Variants in NRDC observed in about 807,000 individuals in gnomAD.
NRDC encodes the protein nardilysin convertase.
Under a neutral mutation model 147.1 loss-of-function variants are expected in NRDC, and 54 were observed. The ratio of observed to expected loss-of-function variants is 0.37; its 90% CI spans 0.29 to 0.46. The LOEUF is 0.46. Ranked by LOEUF, NRDC falls within the 20% of genes least tolerant of loss-of-function variation. The pLI is 1.00. For missense variants in NRDC, 1,082 were observed against 1,370.6 expected (o/e 0.79, Z 3.33); for synonymous variants, 440 against 482.1 (o/e 0.91, Z 1.14).
At chr1:51,795,190 G>C (rs901247959) in intron 22 of NRDC, 1 of 1,337,322 alleles carries the variant, frequency 7.5e-7, no homozygotes, top group Non-Finnish European at 9.8e-7. Flanking sequence ...TCAGAATCCT[G>C]GGCCCATTGA....
intron 23 of NRDC, 61 bp from the exon 24 acceptor site, chr1:51,794,671 T>C: frequency 6.2e-7 from 1 of 1,600,026 alleles, no homozygotes; most frequent in Non-Finnish European, 8.5e-7. Flanking sequence ...CTAGGCCTTC[T>C]AACTTTTCAA....
At chr1:51,877,843 C>T (rs899869565) in intron 1 of NRDC, 1 of 202,260 alleles carries the variant, frequency 4.9e-6, no homozygotes, top group African/African-American at 2.4e-5. Context: ...TAACTTTCGT[C>T]CACTAGTTTC....
Position 51,789,442 on chromosome 1 carries a change from G to A in NRDC, c.3259-9C>T, listed in dbSNP as rs1678457989. The A allele has an allele frequency of 6.2e-7, 1 of 1,613,584 alleles. No homozygotes were observed. The highest frequency in any genetic ancestry group is 2.2e-5 in the East Asian group (1 of 44,890). On this transcript the variant is annotated splice_polypyrimidine_tract_variant and intron_variant, in intron 30 of 30. Coordinates refer to ENST00000352171, the MANE Select transcript of NRDC (RefSeq NM_001101662.2). Reference sequence around the variant, plus strand: ...TTCCCATATCCAACAACCTGAAAGAGGACAAAGACAAAAGTGAAAAATATG... The same window carrying A: ...TTCCCATATCCAACAACCTGAAAGAAGACAAAGACAAAAGTGAAAAATATG...
chr1:51,812,420 T>TG (rs1679768317), intron 14 of NRDC, among the ~76,000 whole-genome samples: 1 of 151,816 alleles, frequency 6.6e-6, no homozygotes, highest in Non-Finnish European at 1.5e-5. Context: ...GTCAGCTCCT[T>TG]GGGGAGCTGA....
Position 51,837,478 on chromosome 1 carries a change from G to T in NRDC, c.631-1266C>A, listed in dbSNP as rs775510766. On this transcript the variant is annotated intron_variant, in intron 2 of 30. Coordinates refer to ENST00000352171, the MANE Select transcript of NRDC (RefSeq NM_001101662.2). ...AACCTGTTCTGTGATGTTTTAATAG[G>T]TGCCTAACCTGCTTTCAGCTCCAAC... 6 of 1,573,676 alleles carry T rather than the reference G, an allele frequency of 3.8e-6. No homozygotes were observed. In the South Asian group the frequency reaches 5.8e-5, roughly 15 times the overall value.
intron 2 of NRDC, among the ~76,000 whole-genome samples, chr1:51,839,701 T>G (rs1039566780): frequency 1.1e-4 from 16 of 152,290 alleles, no homozygotes; most frequent in African/African-American, 3.8e-4. Flanking sequence ...ACCTTTGCGT[T>G]CCCATATAAA....
intron 1 of NRDC, among the ~76,000 whole-genome samples, chr1:51,845,898 C>G (rs1311275542): frequency 6.6e-6 from 1 of 151,924 alleles, no homozygotes; most frequent in East Asian, 1.9e-4. Context: ...GGACCTGATA[C>G]ATAGTAGGTA....
intron 14 of NRDC, 141 bp downstream of exon 14, chr1:51,813,894 G>T: frequency 1.6e-6 from 1 of 622,994 alleles, no homozygotes; most frequent in Admixed American, 2.9e-5. Flanking sequence ...TTTTCAGATA[G>T]CTTCAAGGCC....
intron 2 of NRDC, among the ~76,000 whole-genome samples, chr1:51,838,735 T>G (rs1571887235): frequency 6.6e-6 from 1 of 152,184 alleles, no homozygotes; most frequent in East Asian, 1.9e-4. Flanking sequence ...GTTCTTTTTT[T>G]TTGTGACTTT....
chr1:51,821,595 T>G (rs1229482989), intron 7 of NRDC, 40 bp from the exon 8 acceptor site: 1 of 1,316,052 alleles, frequency 7.6e-7, no homozygotes, highest in Non-Finnish European at 1.1e-6. Flanking sequence ...GAAAATGCAA[T>G]GACATTATTC....
At chr1:51,790,228 A>G (rs1678538558) in intron 29 of NRDC, among the ~76,000 whole-genome samples, 1 of 152,184 alleles carries the variant, frequency 6.6e-6, no homozygotes, top group South Asian at 2.1e-4. Flanking sequence ...AGAGTCCTCA[A>G]TTTTCTTTAA....
chr1:51,813,481 C>T (rs570596264), intron 14 of NRDC, among the ~76,000 whole-genome samples: 99 of 152,212 alleles, frequency 6.5e-4, no homozygotes, highest in African/African-American at 2.3e-3. Context: ...ATATCCCATA[C>T]GCTTCCCAAA....
Position 51,834,385 on chromosome 1 carries a change from G to GCCTCCTGGGTTCAAGTGATTCTTGAA in NRDC, c.713-241_713-216dup, listed in dbSNP as rs553678198. 2.3e-3 allele frequency among the ~76,000 whole-genome samples: 353 copies of GCCTCCTGGGTTCAAGTGATTCTTGAA among 151,966 alleles called. 1 individual carries two copies. The highest frequency in any genetic ancestry group is 5.8e-3 in the African/African-American group (242 of 41,434). ...GCAATCTTGGCTCACTGCAAACTCT[G>GCCTCCTGGGTTCAAGTGATTCTTGAA]CCTCCTGGGTTCAAGTGATTCTTGA... On this transcript the variant is annotated intron_variant, in intron 3 of 30. Coordinates refer to ENST00000352171, the MANE Select transcript of NRDC (RefSeq NM_001101662.2).
intron 1 of NRDC, among the ~76,000 whole-genome samples, chr1:51,846,762 C>G (rs116024157): frequency 0.018 from 2,743 of 152,294 alleles, 81 homozygotes; most frequent in African/African-American, 0.063. Context: ...GAGCCTGCAG[C>G]CTGCTTTTAT....
At position 51,878,675 on chromosome 1, in the gene NRDC, T is replaced by C. The variant is rs1195377830; in HGVS notation, c.-60A>G. On this transcript the variant is annotated 5_prime_UTR_variant, in exon 1 of 31. Transcript: ENST00000352171. ...CCCAGGACCCACCTCCTCCGCGTTCTAGAGGCGGTGGCGGCCGGCCCTGGT... is the reference window on the plus strand; with the variant it reads ...CCCAGGACCCACCTCCTCCGCGTTCCAGAGGCGGTGGCGGCCGGCCCTGGT... The C allele has an allele frequency of 8.9e-6, 13 of 1,467,128 alleles. No individual in the cohort carries two copies. Among genetic ancestry groups the C allele is most frequent in the Admixed American group, 6.0e-5 (3 of 50,286 alleles). 90.9% of individuals were successfully genotyped at this position (1,467,128 alleles called of 1,614,324 possible).
intron 5 of NRDC, among the ~76,000 whole-genome samples, chr1:51,825,912 AG>A (rs758929263): frequency 9.9e-5 from 15 of 152,242 alleles, no homozygotes; most frequent in Non-Finnish European, 1.8e-4. Context: ...ATTTGGAGGT[AG>A]GGGCCAATGA....
In NRDC at chr1:51,878,439, G is replaced by A. The variant is rs78294602; in HGVS notation, c.177C>T (p.Thr59=). 1.6e-3 allele frequency: 2,540 copies of A among 1,614,092 alleles called. 31 individuals carry two copies. The African/African-American group carries it at 0.03, about 19-fold the overall frequency. The part of the protein sequence containing the change: ...AMPGRNKAKS[T]CSCPDLQPNG... ...TGGGCTGCAGGTCAGGGCAGCTGCAGGTAGACTTCGCCTTGTTCCTTCCAG... is the reference window on the plus strand; with the variant it reads ...TGGGCTGCAGGTCAGGGCAGCTGCAAGTAGACTTCGCCTTGTTCCTTCCAG... Residue 59 remains threonine, a synonymous_variant, in exon 1 of 31, where the codon ACC becomes ACT. Transcript: ENST00000352171.
intron 22 of NRDC, among the ~76,000 whole-genome samples, chr1:51,796,615 TCTCA>T (rs1678928841): frequency 6.7e-6 from 1 of 148,270 alleles, no homozygotes; most frequent in Admixed American, 6.8e-5. Context: ...AGACGAGGAG[TCTCA>T]CTCTGTCGCC....
intron 1 of NRDC, chr1:51,862,235 G>A (rs566010378): frequency 3.0e-4 from 45 of 151,716 alleles, no homozygotes; most frequent in Non-Finnish European, 2.5e-4. Flanking sequence ...ACATATATAC[G>A]TATATAGGGC....
Sources: allele counts gnomAD v4.1 joint callset (sites outside exome capture counted in the v4.1 genomes callset), GRCh38; gene constraint gnomAD v4.1.1; transcripts MANE v1.5; gene names NCBI Gene and HGNC (gene_info 2026-07-23, HGNC 2026-07-21).